The following ZZEF1 variants were observed in gnomAD, a reference collection of about 807,000 sequenced individuals.
The protein encoded by ZZEF1 is zinc finger ZZ-type and EF-hand domain containing 1.
ZZEF1 carries 157 observed loss-of-function variants against 342.8 expected under a neutral mutation model. The ratio of observed to expected loss-of-function variants is 0.46; its 90% CI spans 0.40 to 0.52. The LOEUF is 0.52. ZZEF1 is among the 20% of genes least tolerant of loss of function. The probability of loss-of-function intolerance (pLI) is 0.00; values close to 1 mark genes in which losing one functional copy is unlikely to be tolerated. For missense variants in ZZEF1, 3,480 were observed against 3,725.6 expected, an observed-to-expected ratio of 0.93 and a Z score of 1.72; for synonymous variants, 1,505 against 1,429.1, an observed-to-expected ratio of 1.05 and a Z score of -1.20.
In ZZEF1 at chr17:4,136,300, T is replaced by C. The variant is rs1174577219; in HGVS notation, c.354+6242A>G. 2.0e-5 allele frequency among the ~76,000 whole-genome samples: 3 copies of C among 148,450 alleles called. No individual in the cohort carries two copies. The East Asian group carries it at 6.3e-4, about 31-fold the overall frequency. ...TGGAGGTTGCAGTGAGCCGGTATTGTGCCACTGCATTCCAGCCTGGGCGAC... is the reference window on the plus strand; with the variant it reads ...TGGAGGTTGCAGTGAGCCGGTATTGCGCCACTGCATTCCAGCCTGGGCGAC... On this transcript the variant is annotated intron_variant, in intron 1 of 54. Coordinates refer to ENST00000381638, the MANE Select transcript of ZZEF1 (RefSeq NM_015113.4).
chr17:4,122,685 G>A lies in ZZEF1; in HGVS notation c.499+1222C>T, dbSNP rs562966190. ...CAGGCGTGAGCCACTGTGCCCCGCCGGCATTGCTTAATTTTAAGCTATTTT... is the reference window on the plus strand; with the variant it reads ...CAGGCGTGAGCCACTGTGCCCCGCCAGCATTGCTTAATTTTAAGCTATTTT... On this transcript the variant is annotated intron_variant, in intron 2 of 54. Coordinates refer to ENST00000381638, the MANE Select transcript of ZZEF1 (RefSeq NM_015113.4). 2.0e-4 allele frequency among the ~76,000 whole-genome samples: 31 copies of A among 151,290 alleles called. 1 individual carries two copies. The highest frequency in any genetic ancestry group is 1.6e-3 in the Admixed American group (24 of 15,220).
intron 15 of ZZEF1, among the ~76,000 whole-genome samples, 168 bp downstream of exon 15, chr17:4,086,291 CCCTTTCTGGGGGATTCCCACAGCGGCA>C (rs1177855418): frequency 2.7e-4 from 6 of 22,012 alleles, no homozygotes; most frequent in African/African-American, 7.7e-4. Flanking sequence ...CAGCGGCAAT[CCCTTTCTGGGGGATTCCCACAGCGGCA>C]ATCCCTTTCT....
In ZZEF1 at chr17:4,104,664, C is replaced by A. The variant is rs765112932; in HGVS notation, c.1542G>T (p.Ala514=). The A allele has an allele frequency of 6.2e-7, 1 of 1,613,974 alleles. No homozygotes were observed. The highest frequency in any genetic ancestry group is 8.5e-7 in the Non-Finnish European group (1 of 1,180,020). Residue 514 remains alanine, a synonymous_variant, in exon 8 of 55, where the codon GCG becomes GCT. Transcript: ENST00000381638. The stretch of plus-strand genomic sequence containing the variant: ...TGAGGAGCAGGTTCTGTCTGACTGA[C>A]GCCATGGACAAGATGAGGGATGAGG... The part of the protein sequence containing the change: ...YDASSLILSM[A]SVRQNLLLKY...
intron 19 of ZZEF1, 107 bp from the exon 20 acceptor site, chr17:4,077,096 T>C: frequency 8.7e-7 from 1 of 1,147,372 alleles, no homozygotes; most frequent in South Asian, 2.4e-5. Context: ...CAGAGGGGGT[T>C]CCACAGCGAA....
At chr17:4,043,349 T>C (rs1184407015) in intron 38 of ZZEF1, among the ~76,000 whole-genome samples, 2 of 152,246 alleles carry the variant, frequency 1.3e-5, no homozygotes, top group Non-Finnish European at 2.9e-5. Flanking sequence ...CCAGTGAATT[T>C]TGATGATTTG....
chr17:4,128,943 G>A (rs1209135106), intron 1 of ZZEF1, among the ~76,000 whole-genome samples: 2 of 149,918 alleles, frequency 1.3e-5, no homozygotes, highest in Non-Finnish European at 3.0e-5. Flanking sequence ...TAATTTTTGC[G>A]TTTTTAGTAG....
chr17:4,072,865 TAGAG>T (rs1567815740), intron 24 of ZZEF1, 109 bp from the exon 25 acceptor site: 6 of 1,170,466 alleles, frequency 5.1e-6, no homozygotes, highest in Non-Finnish European at 7.1e-6. Flanking sequence ...TATTAAAACT[TAGAG>T]AAAGTTTACC....
At chr17:4,086,752 C>T in intron 14 of ZZEF1, 97 bp from the exon 15 acceptor site, 1 of 1,246,514 alleles carries the variant, frequency 8.0e-7, no homozygotes, top group Non-Finnish European at 1.1e-6. Context: ...CTCTAGGCAT[C>T]AGGCTCGATG....
In ZZEF1 at chr17:4,061,968, T is replaced by C. The variant is rs537703252; in HGVS notation, c.4883+785A>G. Among the ~76,000 whole-genome samples, 33 of 152,308 alleles carry C rather than the reference T, an allele frequency of 2.2e-4. 1 individual carries two copies. The South Asian group carries it at 6.6e-3, about 31-fold the overall frequency. ...AGTGTGATCCTCCTGGGCTTAAAAA[T>C]CTCCAGTGGTTTCCCAACTACAACT... On this transcript the variant is annotated intron_variant, in intron 30 of 54. Transcript: ENST00000381638.
Position 4,014,471 on chromosome 17 carries a change from G to C in ZZEF1, c.8190C>G (p.Phe2730Leu), listed in dbSNP as rs142020410. 6.2e-7 allele frequency: 1 copy of C among 1,614,084 alleles called. No homozygotes were observed. Among genetic ancestry groups the C allele is most frequent in the African/African-American group, 1.3e-5 (1 of 74,920 alleles). Reference protein sequence around the residue: ...IPGAIYLSIKFDSQCNTEEGC... With the variant: ...IPGAIYLSIKLDSQCNTEEGC... ...CCTCCTCTGTGTTGCACTGAGAGTC[G>C]AATTTGATTGAGAGGTAGATGGCAC... Residue 2730 changes from phenylalanine to leucine, a missense_variant, in exon 50 of 55, where the codon TTC becomes TTG. Around this residue, in one of 5 missense-constraint regions of ZZEF1, gnomAD observed 1,269 missense variants for 1,342.4 expected, o/e 0.95. Transcript: ENST00000381638. This position sits in a 1 kb window ranked among gnomAD's most constrained non-coding sequence, Gnocchi z 4.4.
chr17:4,094,531 G>A (rs766846966), intron 11 of ZZEF1, among the ~76,000 whole-genome samples: 3 of 152,076 alleles, frequency 2.0e-5, no homozygotes, highest in Non-Finnish European at 4.4e-5. Flanking sequence ...CTCCTGACCT[G>A]TTTATCCATT....
chr17:4,012,434 T>TC (rs1252025692), intron 52 of ZZEF1, among the ~76,000 whole-genome samples: 1 of 152,196 alleles, frequency 6.6e-6, no homozygotes, highest in Non-Finnish European at 1.5e-5. Flanking sequence ...ACTTCAAATA[T>TC]CATCACTGCA....
At chr17:4,064,070 G>T (rs544357732) in intron 29 of ZZEF1, among the ~76,000 whole-genome samples, 3 of 151,322 alleles carry the variant, frequency 2.0e-5, no homozygotes, top group Non-Finnish European at 4.4e-5. Context: ...TGGAGGGGGG[G>T]GGGTCTCACT....
chr17:4,121,847 C>A (rs1209191946), intron 2 of ZZEF1, among the ~76,000 whole-genome samples: 1 of 151,802 alleles, frequency 6.6e-6, no homozygotes, highest in East Asian at 1.9e-4. Flanking sequence ...CTCAGTATCC[C>A]GAGTAGCTGG....
chr17:4,013,757 A>C, intron 51 of ZZEF1, 143 bp from the exon 52 acceptor site: 1 of 1,030,522 alleles, frequency 9.7e-7, no homozygotes, highest in Non-Finnish European at 1.3e-6. Flanking sequence ...GATCATTTAA[A>C]TTCTGGCTGA....
chr17:4,074,996 T>A, intron 23 of ZZEF1, 101 bp downstream of exon 23: 1 of 1,139,074 alleles, frequency 8.8e-7, no homozygotes. Context: ...GTAACATAAA[T>A]GCCTCCCTTC....
At chr17:4,080,006 T>TA (rs1198641475) in intron 18 of ZZEF1, among the ~76,000 whole-genome samples, 1 of 152,220 alleles carries the variant, frequency 6.6e-6, no homozygotes, top group Non-Finnish European at 1.5e-5. Flanking sequence ...TTCCCATATT[T>TA]AGCCCAAAGA....
In ZZEF1 at chr17:4,017,623, G is replaced by A. The variant is rs1344442255; in HGVS notation, c.7749C>T (p.Arg2583=). The A allele has an allele frequency of 2.5e-6, 4 of 1,614,074 alleles. No individual in the cohort carries two copies. Among genetic ancestry groups the A allele is most frequent in the Admixed American group, 1.7e-5 (1 of 60,004 alleles). Residue 2583 remains arginine, a synonymous_variant, in exon 48 of 55, where the codon CGC becomes CGT. Coordinates refer to ENST00000381638, the MANE Select transcript of ZZEF1 (RefSeq NM_015113.4). This position sits in a 1 kb window ranked among gnomAD's most constrained non-coding sequence, Gnocchi z 5.1. ...GCAGGAGGGCGGCGCTCTTGCTACG[G>A]CGCTGCTTGGCATAGCTCTGCTGCA... The part of the protein sequence containing the change: ...SELQQSYAKQ[R]RSKSAALLHK...
chr17:4,104,601 T>C, intron 8 of ZZEF1, 32 bp downstream of exon 8: 2 of 1,609,182 alleles, frequency 1.2e-6, no homozygotes, highest in Non-Finnish European at 8.5e-7. Context: ...ACTGTTGACA[T>C]TTCTATCACC....
Sources: gnomAD v4.1 joint callset for allele counts (sites outside exome capture counted in the v4.1 genomes callset) on GRCh38, gnomAD v4.1.1 for gene constraint, gnomAD v4.1.1 regional missense constraint, Gnocchi (gnomAD v3.1) non-coding constraint, MANE v1.5 for transcripts, NCBI Gene and HGNC (gene_info 2026-07-23, HGNC 2026-07-21) for gene names.